The following STPG2 variants were observed in gnomAD, a reference collection of about 807,000 sequenced individuals.
The protein encoded by STPG2 is sperm tail PG-rich repeat containing 2, also known as sperm-tail PG-rich repeat-containing protein 2.
STPG2 carries 56 observed loss-of-function variants against 54.2 expected under a neutral mutation model. The observed-to-expected ratio is 1.03, with a 90% CI of 0.83 to 1.29. The LOEUF (loss-of-function observed/expected upper bound fraction) is 1.29, where lower values mean the gene tolerates loss of function less well. Among genes scored for constraint, STPG2 ranks in the 50% most tolerant of loss-of-function variants. The probability of loss-of-function intolerance (pLI) is 0.00; values close to 1 mark genes in which losing one functional copy is unlikely to be tolerated. For synonymous variants in STPG2, 200 were observed against 181.8 expected (o/e 1.10, Z -0.81); for missense variants, 596 against 544.9 (o/e 1.09, Z -0.93).
intron 4 of STPG2, among the ~76,000 whole-genome samples, chr4:97,506,458 GA>G: frequency 6.6e-6 from 1 of 151,722 alleles, no homozygotes; most frequent in African/African-American, 2.4e-5. Flanking sequence ...AATAAAAACT[GA>G]AAAAATTGAT....
chr4:97,968,724 C>CA (rs1444218948), intron 7 of STPG2, among the ~76,000 whole-genome samples: 1 of 152,178 alleles, frequency 6.6e-6, no homozygotes, highest in Non-Finnish European at 1.5e-5. Flanking sequence ...AGGCCTTTGA[C>CA]AAAATTCAAC....
intron 5 of STPG2, among the ~76,000 whole-genome samples, chr4:98,044,419 C>T (rs1165719001): frequency 1.3e-5 from 2 of 152,180 alleles, no homozygotes; most frequent in East Asian, 3.9e-4. Context: ...CCTCCCTTCA[C>T]ACCTTGGGAT....
At chr4:97,799,357 A>G (rs1457373829) in intron 9 of STPG2, among the ~76,000 whole-genome samples, 5 of 152,158 alleles carry the variant, frequency 3.3e-5, no homozygotes, top group African/African-American at 1.2e-4. Context: ...TTCCTTCAGG[A>G]GCTCTTGTAG....
At chr4:97,867,296 C>T (rs989467408) in intron 8 of STPG2, among the ~76,000 whole-genome samples, 3 of 151,746 alleles carry the variant, frequency 2.0e-5, no homozygotes, top group Non-Finnish European at 4.4e-5. Context: ...GTATTTTTTA[C>T]TTATCTTTGT....
intron 6 of STPG2, among the ~76,000 whole-genome samples, chr4:97,979,475 C>T (rs149222297): frequency 9.2e-5 from 14 of 152,268 alleles, no homozygotes; most frequent in African/African-American, 3.4e-4. Context: ...TCTCTCCCAC[C>T]ACTGTATGAT....
intron 5 of STPG2, among the ~76,000 whole-genome samples, chr4:98,099,797 C>T (rs1896155): frequency 2.0e-5 from 3 of 151,954 alleles, no homozygotes; most frequent in African/African-American, 7.2e-5. Flanking sequence ...TTCTAAAAAA[C>T]TTTTTTTAAT....
chr4:97,880,515 T>G, intron 8 of STPG2, among the ~76,000 whole-genome samples: 1 of 152,246 alleles, frequency 6.6e-6, no homozygotes, highest in South Asian at 2.1e-4. Flanking sequence ...TCCTGATTTC[T>G]AGTTCAGAGT....
intron 10 of STPG2, among the ~76,000 whole-genome samples, chr4:97,565,148 T>C (rs1340190327): frequency 1.3e-5 from 2 of 152,168 alleles, no homozygotes; most frequent in Non-Finnish European, 1.5e-5. Flanking sequence ...TATTCTTTTT[T>C]CTCTAAACTT....
intron 10 of STPG2, among the ~76,000 whole-genome samples, chr4:97,580,776 C>T (rs1464152742): frequency 6.6e-6 from 1 of 151,958 alleles, no homozygotes; most frequent in Non-Finnish European, 1.5e-5. Context: ...TAACAAAATA[C>T]TTTATTCTCA....
At chr4:97,904,328 C>G (rs1466294937) in intron 8 of STPG2, among the ~76,000 whole-genome samples, 1 of 152,210 alleles carries the variant, frequency 6.6e-6, no homozygotes, top group Non-Finnish European at 1.5e-5. Context: ...AGGCACCCCC[C>G]AGCAGGGGCA....
intron 9 of STPG2, among the ~76,000 whole-genome samples, chr4:97,753,831 C>G (rs961499890): frequency 1.3e-5 from 2 of 151,838 alleles, no homozygotes; most frequent in Non-Finnish European, 1.5e-5. Context: ...CTATTTATGT[C>G]TCCTGCCCAT....
intron 10 of STPG2, among the ~76,000 whole-genome samples, chr4:97,577,003 TA>T (rs1732741095): frequency 6.6e-6 from 1 of 152,198 alleles, no homozygotes; most frequent in South Asian, 2.1e-4. Context: ...TCATCATCAC[TA>T]ATCATCAGAG....
chr4:98,025,865 G>C, intron 5 of STPG2: 3 of 1,598,314 alleles, frequency 1.9e-6, no homozygotes, highest in Non-Finnish European at 2.6e-6. Flanking sequence ...TAAAGTTTTT[G>C]GCACCCTGAA....
intron 10 of STPG2, among the ~76,000 whole-genome samples, chr4:97,568,517 A>C (rs1732514074): frequency 6.6e-6 from 1 of 152,136 alleles, no homozygotes; most frequent in African/African-American, 2.4e-5. Flanking sequence ...ACACACATGC[A>C]CTCTGCTGAG....
At chr4:97,700,429 TG>T (rs1460441130) in intron 10 of STPG2, among the ~76,000 whole-genome samples, 3 of 152,216 alleles carry the variant, frequency 2.0e-5, no homozygotes, top group Non-Finnish European at 4.4e-5. Flanking sequence ...GCCACTTTCT[TG>T]GTTGTAGAAG....
At chr4:97,908,348 TA>T (rs1264637267) in intron 8 of STPG2, among the ~76,000 whole-genome samples, 2 of 151,500 alleles carry the variant, frequency 1.3e-5, no homozygotes, top group Non-Finnish European at 2.9e-5. Flanking sequence ...TGGCAATCAT[TA>T]AAAAGTCAGG....
At chr4:97,445,984 C>G (rs1330731634) in intron 4 of STPG2, among the ~76,000 whole-genome samples, 3 of 152,172 alleles carry the variant, frequency 2.0e-5, no homozygotes, top group African/African-American at 7.2e-5. Context: ...GTCTAAGCCA[C>G]TGTTACAGTC....
rs114616523 is a variant in STPG2, at chr4:97,877,526, A to G, written c.1045-36594T>C. On this transcript the variant is annotated intron_variant, in intron 8 of 10. Coordinates refer to ENST00000295268, the MANE Select transcript of STPG2 (RefSeq NM_174952.3). ...GGTGAAAGGCAAAGGCATGTCTTAC[A>G]TGGTGGCAGACAAGAGAAAATGAGG... Among the ~76,000 whole-genome samples the G allele has an allele frequency of 4.2e-3, 647 of 152,312 alleles. 2 individuals carry two copies. Among genetic ancestry groups the G allele is most frequent in the Middle Eastern group, 0.014 (4 of 294 alleles).
intron 4 of STPG2, among the ~76,000 whole-genome samples, chr4:97,454,421 G>A (rs1729458359): frequency 6.8e-6 from 1 of 148,100 alleles, no homozygotes; most frequent in South Asian, 2.1e-4. Context: ...GCTGAGGCAG[G>A]AGAATGGCGT....
Sources: allele counts gnomAD v4.1 joint callset (sites outside exome capture counted in the v4.1 genomes callset), GRCh38; gene constraint gnomAD v4.1.1; transcripts MANE v1.5; gene names NCBI Gene and HGNC (gene_info 2026-07-23, HGNC 2026-07-21).